Variants in NUP214 observed in about 807,000 individuals in gnomAD.
NUP214 encodes the protein nucleoporin 214, also known as nuclear pore complex protein Nup214.
A neutral mutation model predicts 196.2 loss-of-function variants in NUP214; 79 were observed. The observed-to-expected ratio is 0.40, with a 90% confidence interval of 0.34 to 0.49. The LOEUF is 0.49. Among genes scored for constraint, NUP214 ranks in the 20% least tolerant of loss-of-function variants. NUP214 has a pLI of 0.58. For synonymous variants in NUP214, 1,020 were observed against 990.5 expected, an observed-to-expected ratio of 1.03 and a Z score of -0.56; for missense variants, 2,468 against 2,539.0, an observed-to-expected ratio of 0.97 and a Z score of 0.60.
chr9:131,184,021 T>C (rs1833370294), intron 24 of NUP214, among the ~76,000 whole-genome samples: 1 of 145,608 alleles, frequency 6.9e-6, no homozygotes, highest in East Asian at 1.9e-4. Context: ...TTCTTTTTTC[T>C]TTTTCTTTTT....
chr9:131,216,178 C>T (rs533207504), intron 31 of NUP214, among the ~76,000 whole-genome samples: 86 of 151,332 alleles, frequency 5.7e-4, no homozygotes, highest in Non-Finnish European at 8.5e-4. Flanking sequence ...GTATGAGCCA[C>T]CATGCCCAGC....
chr9:131,155,662 G>A (rs1483506960), intron 17 of NUP214, among the ~76,000 whole-genome samples: 2 of 152,182 alleles, frequency 1.3e-5, no homozygotes, highest in East Asian at 1.9e-4. Flanking sequence ...TGTATAAGGT[G>A]AGAGATGAGG....
chr9:131,218,193 ACATTG>A (rs1488767151), intron 31 of NUP214, among the ~76,000 whole-genome samples: 4 of 152,232 alleles, frequency 2.6e-5, no homozygotes, highest in African/African-American at 9.6e-5. Context: ...GAAACACTTA[ACATTG>A]TATTATTTTA....
At chr9:131,214,015 T>TAGTG (rs1564214353) in intron 30 of NUP214, among the ~76,000 whole-genome samples, 1 of 152,074 alleles carries the variant, frequency 6.6e-6, no homozygotes, top group Non-Finnish European at 1.5e-5. Flanking sequence ...CCATTGCAAG[T>TAGTG]AGTGCTCCAG....
Position 131,206,949 on chromosome 9 carries a change from A to G in NUP214, c.5592+5232A>G, listed in dbSNP as rs563012376. On this transcript the variant is annotated intron_variant, in intron 30 of 35. Coordinates refer to ENST00000359428, the MANE Select transcript of NUP214 (RefSeq NM_005085.4). ...AAAGATTGAAATCAAGGTTTTTTCT[A>G]TGATGGCAGGGGCCTTATTGTTTTT... Among the ~76,000 whole-genome samples the G allele has an allele frequency of 9.2e-5, 14 of 152,352 alleles. 1 individual carries two copies. Among genetic ancestry groups the G allele is most frequent in the South Asian group, 4.1e-4 (2 of 4,830 alleles).
chr9:131,144,534 C>A lies in NUP214; in HGVS notation c.1549C>A (p.Pro517Thr). The A allele has an allele frequency of 6.2e-7, 1 of 1,614,124 alleles. No individual in the cohort carries two copies. Among genetic ancestry groups the A allele is most frequent in the African/African-American group, 1.3e-5 (1 of 75,044 alleles). Residue 517 changes from proline to threonine, a missense_variant, in exon 12 of 36, where the codon CCA becomes ACA. Pro to Thr is a conservative substitution (Grantham distance 38). This residue lies in a region of NUP214 where 1,801 missense variants were observed against 1,779.4 expected (regional missense o/e 1.01). Transcript: ENST00000359428. Reference protein sequence around the residue: ...DSSKAAPGPGPSTFSFVPPSK... With the variant: ...DSSKAAPGPGTSTFSFVPPSK... ...CTCCAAAGCAGCCCCAGGCCCTGGC[C>A]CATCAACCTTCTCTTTTGTTCCCCC... is the stretch of plus-strand genomic sequence containing the variant.
intron 11 of NUP214, among the ~76,000 whole-genome samples, chr9:131,143,984 C>T (rs1832006598): frequency 6.6e-6 from 1 of 152,140 alleles, no homozygotes; most frequent in Admixed American, 6.5e-5. Context: ...AAAACTTTTT[C>T]CTGGTTGTTA....
At position 131,128,495 on chromosome 9, in the gene NUP214, T is replaced by A. The variant is rs577846892; in HGVS notation, c.393+12T>A. ...CATTCTCAAATGAGGTAAGCTACTG[T>A]TATACTGTGATGTCAACATGAGAAC... On this transcript the variant is annotated intron_variant, in intron 3 of 35. Coordinates refer to ENST00000359428, the MANE Select transcript of NUP214 (RefSeq NM_005085.4). 9 of 1,601,662 alleles carry A rather than the reference T, an allele frequency of 5.6e-6. No homozygotes were observed. In the African/African-American group the frequency reaches 1.1e-4, roughly 19 times the overall value.
At chr9:131,130,704 GA>G in intron 4 of NUP214, 61 bp from the exon 5 acceptor site, 1 of 1,399,816 alleles carries the variant, frequency 7.1e-7, no homozygotes, top group Non-Finnish European at 1.0e-6. Flanking sequence ...AGCTGTGTGT[GA>G]TAGATCTTAT....
rs759162803 is a variant in NUP214, at chr9:131,174,227, TTCCA to T, written c.3071_3074del (p.Ile1024SerfsTer24). On this transcript the variant is annotated frameshift_variant, in exon 22 of 36. Coordinates refer to ENST00000359428, the MANE Select transcript of NUP214 (RefSeq NM_005085.4). LOFTEE classifies it high-confidence loss of function. ...GGCACGCCCCCGTGGTTCGCACTCC[TTCCA>T]TCCAGCCCAGTCTCTTGCCCCATGC... 1 of 1,614,000 alleles carries T rather than the reference TTCCA, an allele frequency of 6.2e-7. No homozygotes were observed. Among genetic ancestry groups the T allele is most frequent in the Admixed American group, 1.7e-5 (1 of 59,956 alleles).
At chr9:131,184,570 A>G (rs1372596119) in intron 24 of NUP214, among the ~76,000 whole-genome samples, 1 of 151,994 alleles carries the variant, frequency 6.6e-6, no homozygotes, top group Non-Finnish European at 1.5e-5. Flanking sequence ...TCCTGACCTC[A>G]AGTGATACAC....
At chr9:131,212,435 G>A (rs1480465742) in intron 30 of NUP214, among the ~76,000 whole-genome samples, 2 of 152,084 alleles carry the variant, frequency 1.3e-5, no homozygotes, top group African/African-American at 4.8e-5. Context: ...TACTGGTTTT[G>A]TGGCTCAGGG....
At chr9:131,162,548 A>G (rs1832672283) in intron 18 of NUP214, among the ~76,000 whole-genome samples, 1 of 151,484 alleles carries the variant, frequency 6.6e-6, no homozygotes, top group Non-Finnish European at 1.5e-5. Context: ...CTGTCCCCCT[A>G]TTTCTTGACA....
chr9:131,151,413 TA>T (rs1832259700), intron 16 of NUP214, among the ~76,000 whole-genome samples: 1 of 152,242 alleles, frequency 6.6e-6, no homozygotes, highest in African/African-American at 2.4e-5. Context: ...GTTCGGGTCT[TA>T]AATAGTGTGT....
At chr9:131,133,559 T>C (rs7854637) in intron 7 of NUP214, 43,463 of 161,998 alleles carry the variant, frequency 0.27, 6,139 homozygotes, top group East Asian at 0.42. Context: ...CCACCTAGGC[T>C]TCTCAAAGTG....
chr9:131,153,859 C>T (rs1296232494), intron 17 of NUP214, among the ~76,000 whole-genome samples: 1 of 152,182 alleles, frequency 6.6e-6, no homozygotes, highest in Non-Finnish European at 1.5e-5. Flanking sequence ...GTTTGCAATT[C>T]CTGCAGTTGG....
intron 17 of NUP214, among the ~76,000 whole-genome samples, chr9:131,156,762 T>C (rs1289696368): frequency 1.3e-5 from 2 of 152,206 alleles, no homozygotes; most frequent in African/African-American, 4.8e-5. Flanking sequence ...TACATGATCA[T>C]AACATCGGCA....
At chr9:131,151,238 G>A (rs1478509181) in intron 16 of NUP214, among the ~76,000 whole-genome samples, 1 of 152,148 alleles carries the variant, frequency 6.6e-6, no homozygotes, top group Non-Finnish European at 1.5e-5. Flanking sequence ...TGTGCCAAAC[G>A]CATCACTTGT....
rs1588153890 is a variant in NUP214 at position 131,187,441 on chromosome 9, C to G, written c.3495+77C>G. The stretch of plus-strand genomic sequence containing the variant: ...TTACTCTGTCGCCCAGGCTCAAGTG[C>G]AGTGGTGCGATCTTGGCTCACCGCA... On this transcript the variant is annotated intron_variant, in intron 25 of 35. Coordinates refer to ENST00000359428, the MANE Select transcript of NUP214 (RefSeq NM_005085.4). 4.5e-6 allele frequency: 5 copies of G among 1,111,062 alleles called. No homozygotes were observed. In the East Asian group the frequency reaches 1.3e-4, roughly 29 times the overall value. The allele number at this position is 1,111,062 out of a possible 1,614,324, so 68.8% of individuals were successfully genotyped here.
Sources: gnomAD v4.1 joint callset for allele counts (sites outside exome capture counted in the v4.1 genomes callset) on GRCh38, gnomAD v4.1.1 for gene constraint, gnomAD v4.1.1 regional missense constraint, MANE v1.5 for transcripts, NCBI Gene and HGNC (gene_info 2026-07-23, HGNC 2026-07-21) for gene names.